Variants in PDGFC observed in about 807,000 individuals in gnomAD.
PDGFC encodes platelet derived growth factor C.
A neutral mutation model predicts 35.5 loss-of-function variants in PDGFC; 12 were observed. The ratio of observed to expected loss-of-function variants is 0.34; its 90% CI spans 0.22 to 0.55. The LOEUF (loss-of-function observed/expected upper bound fraction) is 0.55. Ranked by LOEUF, PDGFC falls within the 20% of genes least tolerant of loss-of-function variation. The pLI, the probability that PDGFC is intolerant of heterozygous loss-of-function variation, is 0.91. For missense variants in PDGFC, 322 were observed against 412.4 expected (o/e 0.78, Z 1.90); for synonymous variants, 159 against 148.8 (o/e 1.07, Z -0.50).
intron 3 of PDGFC, among the ~76,000 whole-genome samples, chr4:156,786,724 A>T (rs569617318): frequency 6.6e-6 from 1 of 152,234 alleles, no homozygotes; most frequent in East Asian, 1.9e-4. Context: ...ATCTTTTAGT[A>T]TAAGTATGGC....
chr4:156,825,451 G>A (rs947064258), intron 2 of PDGFC, among the ~76,000 whole-genome samples: 1 of 150,518 alleles, frequency 6.6e-6, no homozygotes, highest in Non-Finnish European at 1.5e-5. Context: ...TGGGGAGGCT[G>A]AGGTGGGAGG....
chr4:156,930,594 G>C (rs188454237), intron 1 of PDGFC, among the ~76,000 whole-genome samples: 1 of 152,198 alleles, frequency 6.6e-6, no homozygotes, highest in Non-Finnish European at 1.5e-5. Context: ...TAGGCCGGGC[G>C]CAGCGTCTCA....
intron 2 of PDGFC, among the ~76,000 whole-genome samples, chr4:156,844,432 T>C (rs1450927003): frequency 6.6e-6 from 1 of 151,934 alleles, no homozygotes; most frequent in East Asian, 1.9e-4. Flanking sequence ...AAAGAAGTAA[T>C]AGAATAGAAT....
At chr4:156,861,499 G>A in intron 1 of PDGFC, 1 of 1,173,400 alleles carries the variant, frequency 8.5e-7, no homozygotes. Context: ...CCTGCCAGTA[G>A]ATGGAGATAG....
chr4:156,824,311 TATATATATATATATATACACACACACAC>T (rs1305772176), intron 2 of PDGFC, among the ~76,000 whole-genome samples: 1 of 45,850 alleles, frequency 2.2e-5, no homozygotes, highest in African/African-American at 7.1e-5. Context: ...TATATATATA[TATATATATATATATATACACACACACAC>T]ACACACACAC....
chr4:156,790,173 T>C (rs1487501069), intron 3 of PDGFC, among the ~76,000 whole-genome samples: 2 of 152,136 alleles, frequency 1.3e-5, no homozygotes, highest in South Asian at 2.1e-4. Flanking sequence ...TAATAACACA[T>C]AAGCTATCTA....
intron 1 of PDGFC, among the ~76,000 whole-genome samples, chr4:156,943,484 C>T (rs1731863140): frequency 6.6e-6 from 1 of 152,030 alleles, no homozygotes; most frequent in South Asian, 2.1e-4. Flanking sequence ...TAACAAGATC[C>T]GGGAGGATTC....
At chr4:156,854,426 A>C (rs1485157297) in intron 1 of PDGFC, among the ~76,000 whole-genome samples, 4 of 152,166 alleles carry the variant, frequency 2.6e-5, no homozygotes, top group Non-Finnish European at 5.9e-5. Context: ...CTATATTTAA[A>C]CATAATTTAA....
intron 3 of PDGFC, among the ~76,000 whole-genome samples, chr4:156,788,453 T>C (rs1731189841): frequency 6.6e-6 from 1 of 152,206 alleles, no homozygotes; most frequent in Admixed American, 6.5e-5. Flanking sequence ...AAGTTAAATT[T>C]CAGTATCAGA....
intron 3 of PDGFC, among the ~76,000 whole-genome samples, chr4:156,790,605 T>C (rs944060972): frequency 9.9e-5 from 15 of 152,222 alleles, no homozygotes; most frequent in African/African-American, 3.1e-4. Context: ...TCCCCCTAAA[T>C]TGATCATCAG....
chr4:156,895,181 A>G lies in PDGFC; in HGVS notation c.119-44765T>C, dbSNP rs547559287. Among the ~76,000 whole-genome samples, 607 of 152,322 alleles carry G rather than the reference A, an allele frequency of 4.0e-3. 1 individual carries two copies. Among genetic ancestry groups the G allele is most frequent in the African/African-American group, 0.014 (583 of 41,576 alleles). On this transcript the variant is annotated intron_variant, in intron 1 of 5. Coordinates refer to ENST00000502773, the MANE Select transcript of PDGFC (RefSeq NM_016205.3). ...ACAGTAAATGGGAGCTATACTATTAATAAGGGGCAATGACAGACCAAATCA... is the reference window on the plus strand; with the variant it reads ...ACAGTAAATGGGAGCTATACTATTAGTAAGGGGCAATGACAGACCAAATCA...
intron 3 of PDGFC, among the ~76,000 whole-genome samples, chr4:156,810,015 CT>C (rs1731888159): frequency 1.3e-5 from 2 of 151,632 alleles, no homozygotes; most frequent in Non-Finnish European, 2.9e-5. Context: ...CCACCCTAGC[CT>C]AAAAAATATT....
chr4:156,873,353 A>G (rs1730031808), intron 1 of PDGFC, among the ~76,000 whole-genome samples: 1 of 152,186 alleles, frequency 6.6e-6, no homozygotes, highest in Admixed American at 6.5e-5. Context: ...TGATAGTGAT[A>G]GACAATCTCC....
intron 1 of PDGFC, among the ~76,000 whole-genome samples, chr4:156,852,667 A>C (rs1001292959): frequency 6.6e-6 from 1 of 152,148 alleles, no homozygotes; most frequent in Non-Finnish European, 1.5e-5. Flanking sequence ...AGGTTAGTTG[A>C]CTTTGAGTTA....
At chr4:156,967,562 A>G (rs975725216) in intron 1 of PDGFC, 2 of 152,228 alleles carry the variant, frequency 1.3e-5, no homozygotes, top group African/African-American at 4.8e-5. Context: ...TAAACTAAAA[A>G]TCACTCACCA....
chr4:156,793,531 G>A (rs1731352238), intron 3 of PDGFC, among the ~76,000 whole-genome samples: 1 of 99,076 alleles, frequency 1.0e-5, no homozygotes, highest in Non-Finnish European at 2.0e-5. Context: ...TATGAATTAT[G>A]TGCATATATA....
At chr4:156,908,844 A>C (rs774547150) in intron 1 of PDGFC, among the ~76,000 whole-genome samples, 2 of 152,202 alleles carry the variant, frequency 1.3e-5, no homozygotes, top group Admixed American at 1.3e-4. Context: ...CCAATGTCCA[A>C]CTAATGAATG....
At chr4:156,825,620 G>GA (rs1732443247) in intron 2 of PDGFC, among the ~76,000 whole-genome samples, 1 of 140,478 alleles carries the variant, frequency 7.1e-6, no homozygotes, top group African/African-American at 2.6e-5. Context: ...AGAAGAAGAA[G>GA]AAGAAGAAGA....
At chr4:156,764,057 T>C (rs1414252731) in intron 5 of PDGFC, among the ~76,000 whole-genome samples, 1 of 152,164 alleles carries the variant, frequency 6.6e-6, no homozygotes, top group Admixed American at 6.5e-5. Context: ...ATAGAAACAA[T>C]AAAGTTTAGG....
Sources: allele counts gnomAD v4.1 joint callset (sites outside exome capture counted in the v4.1 genomes callset), GRCh38; gene constraint gnomAD v4.1.1; transcripts MANE v1.5; gene names NCBI Gene and HGNC (gene_info 2026-07-23, HGNC 2026-07-21).